Variants in BTG4 observed in about 807,000 individuals in gnomAD.
BTG4 encodes the protein protein BTG4.
A neutral mutation model predicts 19.3 loss-of-function variants in BTG4; 10 were observed. That is an observed-to-expected ratio of 0.52 (90% CI 0.32 to 0.88). The LOEUF (loss-of-function observed/expected upper bound fraction) is 0.88, where lower values mean the gene tolerates loss of function less well. Ranked by LOEUF, BTG4 falls within the 40% of genes least tolerant of loss-of-function variation. BTG4 has a pLI of 0.04. For synonymous variants in BTG4, 91 were observed against 95.7 expected (o/e 0.95, Z 0.29); for missense variants, 238 against 281.9 (o/e 0.84, Z 1.11).
At chr11:111,514,717 C>T, upstream of BTG4, 2 of 1,141,860 alleles carry the variant, frequency 1.8e-6, no homozygotes, top group Non-Finnish European at 2.3e-6. Context: ...TGGCGGTTCT[C>T]GGAGGGGCGG....
At chr11:111,484,074 A>G (rs662414) in intron 5 of BTG4, among the ~76,000 whole-genome samples, 148,003 of 152,198 alleles carry the variant, frequency 0.97, 72,092 homozygotes, top group Middle Eastern at 1. Flanking sequence ...AATGACATTC[A>G]AAGTGCCAAA....
chr11:111,391,659 T>C, the BTG4 span, among the ~76,000 whole-genome samples: 1 of 152,076 alleles, frequency 6.6e-6, no homozygotes, highest in Non-Finnish European at 1.5e-5. Flanking sequence ...CTGCTTGTGA[T>C]CCTTGGAAAT....
the BTG4 span, among the ~76,000 whole-genome samples, chr11:111,431,126 G>A: frequency 6.6e-6 from 1 of 152,188 alleles, no homozygotes; most frequent in Non-Finnish European, 1.5e-5. Flanking sequence ...ACATATTTGT[G>A]TACCTTAACC....
intron 1 of BTG4, among the ~76,000 whole-genome samples, chr11:111,507,073 T>A (rs557250825): frequency 3.9e-4 from 57 of 144,326 alleles, no homozygotes; most frequent in African/African-American, 1.4e-3. Context: ...TTTCCCACTT[T>A]AAAAAAAAAA....
At chr11:111,492,188 C>T (rs2135641162), downstream of BTG4, among the ~76,000 whole-genome samples, 1 of 152,304 alleles carries the variant, frequency 6.6e-6, no homozygotes, top group East Asian at 1.9e-4. Context: ...CCATCAGCAG[C>T]ATGGGGTTCA....
chr11:111,405,863 T>C, the BTG4 span, among the ~76,000 whole-genome samples: 1 of 152,338 alleles, frequency 6.6e-6, no homozygotes, highest in Non-Finnish European at 1.5e-5. Context: ...TCCTATAAGA[T>C]TGTTGTGAGG....
At position 111,498,088 on chromosome 11, in the gene BTG4, CT is replaced by C; in HGVS notation, c.220del (p.Arg74GlyfsTer8). 1 of 1,614,162 alleles carries C rather than the reference CT, an allele frequency of 6.2e-7. No homozygotes were observed. The highest frequency in any genetic ancestry group is 8.5e-7 in the Non-Finnish European group (1 of 1,179,996). ...ATCTACATTACTTTCCACACATGCCCTTTCTAGAATGGGATCTTTATTCTGA... is the reference window on the plus strand; with the variant it reads ...ATCTACATTACTTTCCACACATGCCCTTCTAGAATGGGATCTTTATTCTGA... ...NNQNKDPILE[R>X]ACVESNVDFS... On this transcript the variant is annotated frameshift_variant, in exon 3 of 5. Transcript: ENST00000692032. LOFTEE classifies it high-confidence loss of function.
intron 1 of BTG4, among the ~76,000 whole-genome samples, chr11:111,511,324 A>G (rs543321315): frequency 1.3e-5 from 2 of 152,372 alleles, no homozygotes; most frequent in South Asian, 2.1e-4. Context: ...AGAAAATGCT[A>G]TAACTTATTC....
intron 5 of BTG4, among the ~76,000 whole-genome samples, chr11:111,471,640 T>C (rs1426719184): frequency 6.6e-6 from 1 of 152,180 alleles, no homozygotes; most frequent in Non-Finnish European, 1.5e-5. Flanking sequence ...CTCCAGTCTA[T>C]ATTTTCTGCC....
At chr11:111,443,438 TTAA>T in the BTG4 span, among the ~76,000 whole-genome samples, 11 of 152,324 alleles carry the variant, frequency 7.2e-5, no homozygotes, top group South Asian at 2.3e-3. Context: ...ATGTAAGCAG[TTAA>T]TAAGAGAAGA....
At chr11:111,384,690 A>G in the BTG4 span, 1 of 152,196 alleles carries the variant, frequency 6.6e-6, no homozygotes, top group Non-Finnish European at 1.5e-5. Context: ...TCAAATGAAA[A>G]GAGTGACTCA....
chr11:111,466,328 C>T (rs976050801), downstream of BTG4, among the ~76,000 whole-genome samples: 3 of 152,178 alleles, frequency 2.0e-5, no homozygotes, highest in African/African-American at 4.8e-5. Context: ...AAGGCCATTA[C>T]AGACATTCCG....
At chr11:111,390,744 G>T in the BTG4 span, among the ~76,000 whole-genome samples, 1 of 152,186 alleles carries the variant, frequency 6.6e-6, no homozygotes, top group East Asian at 1.9e-4. Context: ...TGAGCATCTT[G>T]ACTCTCCCTC....
the BTG4 span, among the ~76,000 whole-genome samples, chr11:111,442,362 A>G: frequency 1.2e-4 from 18 of 151,842 alleles, no homozygotes; most frequent in African/African-American, 4.4e-4. Flanking sequence ...TTAGCCAGGC[A>G]TGGTGGTGCA....
chr11:111,467,699 T>A (rs1444758504), intron 5 of BTG4: 3 of 752,668 alleles, frequency 4.0e-6, no homozygotes, highest in Non-Finnish European at 7.3e-6. Flanking sequence ...CCAGTATAGA[T>A]AAATGAAAGC....
At chr11:111,451,872 C>T in the BTG4 span, among the ~76,000 whole-genome samples, 18 of 152,258 alleles carry the variant, frequency 1.2e-4, no homozygotes, top group Admixed American at 3.9e-4. Context: ...AACAGATGGT[C>T]CTGGGATGCC....
chr11:111,453,608 C>T, the BTG4 span: 2 of 432,622 alleles, frequency 4.6e-6, no homozygotes, highest in Non-Finnish European at 9.5e-6. Flanking sequence ...GGCTAGAATC[C>T]CAGAGGCACC....
chr11:111,511,895 T>G (rs537361297), intron 1 of BTG4, among the ~76,000 whole-genome samples: 2 of 152,346 alleles, frequency 1.3e-5, no homozygotes, highest in African/African-American at 4.8e-5. Flanking sequence ...TTTCTACTAT[T>G]CTAAATAGTC....
At chr11:111,506,452 T>G (rs912569975) in intron 1 of BTG4, among the ~76,000 whole-genome samples, 1 of 151,876 alleles carries the variant, frequency 6.6e-6, no homozygotes, top group African/African-American at 2.4e-5. Flanking sequence ...GAAATGAAAA[T>G]AGAGAAAATA....
Sources: gnomAD v4.1 joint callset for allele counts (sites outside exome capture counted in the v4.1 genomes callset) on GRCh38, gnomAD v4.1.1 for gene constraint, MANE v1.5 for transcripts, NCBI Gene and HGNC (gene_info 2026-07-23, HGNC 2026-07-21) for gene names.